PTPRM: variants seen among roughly 807,000 people sequenced by gnomAD.
PTPRM encodes the protein receptor-type tyrosine-protein phosphatase mu.
PTPRM carries 47 observed loss-of-function variants against 186.7 expected under a neutral mutation model. That is an observed-to-expected ratio of 0.25 (90% CI 0.20 to 0.32). PTPRM has a LOEUF of 0.32. Among genes scored for constraint, PTPRM ranks in the 10% least tolerant of loss-of-function variants. The probability of loss-of-function intolerance (pLI) is 1.00; values close to 1 mark genes in which losing one functional copy is unlikely to be tolerated. For missense variants in PTPRM, 1,494 were observed against 1,865.0 expected (o/e 0.80, Z 3.66); for synonymous variants, 668 against 674.9 (o/e 0.99, Z 0.16).
At chr18:7,573,626 G>T (rs2036615281) in intron 1 of PTPRM, among the ~76,000 whole-genome samples, 1 of 152,018 alleles carries the variant, frequency 6.6e-6, no homozygotes, top group Non-Finnish European at 1.5e-5. Flanking sequence ...TCTCGCTCTT[G>T]TCCCCCAGGC....
chr18:8,069,538 G>T, intron 7 of PTPRM, 148 bp from the exon 8 acceptor site: 1 of 729,044 alleles, frequency 1.4e-6, no homozygotes, highest in African/African-American at 1.8e-5. Context: ...GTAGCCAAAT[G>T]CCTAGCCAAG....
In PTPRM at chr18:8,016,530, C is replaced by CAA. The variant is rs563624187; in HGVS notation, c.1133-53141_1133-53140dup. 5.5e-3 allele frequency among the ~76,000 whole-genome samples: 385 copies of CAA among 70,152 alleles called. 2 individuals carry two copies. Among genetic ancestry groups the CAA allele is most frequent in the African/African-American group, 0.016 (314 of 19,742 alleles). The allele number at this position is 70,152 out of a possible 152,430, so 46.0% of individuals were successfully genotyped here. A position where few individuals can be genotyped will look rare whatever the true frequency, so the allele number is the denominator to read the frequency against. On this transcript the variant is annotated intron_variant, in intron 7 of 32. Transcript: ENST00000580170. ...CTTGGGTGACAGAGCAAGAGTCTGTCAAAAAAAAAAAAAAAAGAAAAAAAA... is the reference window on the plus strand; with the variant it reads ...CTTGGGTGACAGAGCAAGAGTCTGTCAAAAAAAAAAAAAAAAAAGAAAAAAAA...
chr18:8,190,162 T>G (rs138983241), intron 14 of PTPRM, among the ~76,000 whole-genome samples: 67 of 152,316 alleles, frequency 4.4e-4, no homozygotes, highest in Middle Eastern at 3.4e-3. Context: ...AATTTTCAAA[T>G]GTACAATGTA....
In PTPRM at chr18:8,297,282, G is replaced by A. The variant is rs547260957; in HGVS notation, c.2842+827G>A. 5.9e-5 allele frequency among the ~76,000 whole-genome samples: 9 copies of A among 152,292 alleles called. No individual in the cohort carries two copies. In the South Asian group the frequency reaches 1.0e-3, roughly 18 times the overall value. Reference sequence around the variant, plus strand: ...GCAGATTAGGCCAAGAGAACATCTCGCTCCTCGTGTCTCATTTCTTACGAG... The same window carrying A: ...GCAGATTAGGCCAAGAGAACATCTCACTCCTCGTGTCTCATTTCTTACGAG... On this transcript the variant is annotated intron_variant, in intron 20 of 32. Transcript: ENST00000580170.
intron 7 of PTPRM, among the ~76,000 whole-genome samples, chr18:8,040,976 G>T (rs898988770): frequency 6.6e-6 from 1 of 152,126 alleles, no homozygotes; most frequent in Non-Finnish European, 1.5e-5. Context: ...TGTCACTTGG[G>T]TTCAGTAAAG....
At chr18:8,310,349 T>C (rs1226326787) in intron 20 of PTPRM, among the ~76,000 whole-genome samples, 1 of 151,680 alleles carries the variant, frequency 6.6e-6, no homozygotes, top group African/African-American at 2.4e-5. Flanking sequence ...CGCCCCTGCC[T>C]GTGGCTTCCC....
intron 2 of PTPRM, among the ~76,000 whole-genome samples, chr18:7,852,894 T>C (rs2046934716): frequency 6.6e-6 from 1 of 152,038 alleles, no homozygotes; most frequent in African/African-American, 2.4e-5. Context: ...AAATAATACA[T>C]AGTTACATAG....
chr18:7,965,690 G>A (rs1568091686), intron 7 of PTPRM, among the ~76,000 whole-genome samples: 1 of 152,174 alleles, frequency 6.6e-6, no homozygotes, highest in East Asian at 1.9e-4. Flanking sequence ...GACTTACCAG[G>A]TATGTTATGT....
intron 2 of PTPRM, among the ~76,000 whole-genome samples, chr18:7,852,486 G>GACCATCCTGGCTAACACGGTGAAACCAC (rs2046909833): frequency 6.6e-6 from 1 of 152,018 alleles, no homozygotes; most frequent in Non-Finnish European, 1.5e-5. Flanking sequence ...AGAAGATCGA[G>GACCATCCTGGCTAACACGGTGAAACCAC]ACCATCCTGG....
At chr18:7,972,700 T>C (rs1334913376) in intron 7 of PTPRM, among the ~76,000 whole-genome samples, 1 of 152,102 alleles carries the variant, frequency 6.6e-6, no homozygotes, top group Non-Finnish European at 1.5e-5. Context: ...TTGTTAATGT[T>C]TATATCTTGT....
At chr18:8,056,348 G>T (rs1218812619) in intron 7 of PTPRM, among the ~76,000 whole-genome samples, 1 of 152,198 alleles carries the variant, frequency 6.6e-6, no homozygotes, top group African/African-American at 2.4e-5. Context: ...GCACATTAGG[G>T]CTGGTTGCAG....
At chr18:7,704,966 A>C (rs1160696542) in intron 1 of PTPRM, among the ~76,000 whole-genome samples, 1 of 152,152 alleles carries the variant, frequency 6.6e-6, no homozygotes, top group Non-Finnish European at 1.5e-5. Context: ...TTGAACCTGT[A>C]GTTTCACTAT....
chr18:7,849,877 G>A (rs944552502), intron 2 of PTPRM, among the ~76,000 whole-genome samples: 1 of 152,182 alleles, frequency 6.6e-6, no homozygotes, highest in African/African-American at 2.4e-5. Context: ...TGGTATGTAA[G>A]ATGCTACTTA....
At chr18:8,390,722 A>G (rs376221861) in intron 31 of PTPRM, among the ~76,000 whole-genome samples, 9 of 152,222 alleles carry the variant, frequency 5.9e-5, no homozygotes, top group East Asian at 3.9e-4. Context: ...AGATCAGGAG[A>G]TCGAGACCAT....
At chr18:8,297,597 A>G (rs995071831) in intron 20 of PTPRM, among the ~76,000 whole-genome samples, 1 of 152,246 alleles carries the variant, frequency 6.6e-6, no homozygotes, top group South Asian at 2.1e-4. Context: ...TTGCTGTTCA[A>G]GAGTTTGACA....
chr18:8,374,899 A>T (rs1342565984), intron 24 of PTPRM, among the ~76,000 whole-genome samples: 1 of 152,236 alleles, frequency 6.6e-6, no homozygotes, highest in African/African-American at 2.4e-5. Context: ...ACAATGATTG[A>T]TGGTGAAAGT....
At chr18:7,798,533 A>G (rs904887088) in intron 2 of PTPRM, among the ~76,000 whole-genome samples, 1 of 152,186 alleles carries the variant, frequency 6.6e-6, no homozygotes, top group African/African-American at 2.4e-5. Context: ...CGTCTCAAAA[A>G]AAAAAAAGGT....
chr18:7,700,101 A>G (rs2039929285), intron 1 of PTPRM, among the ~76,000 whole-genome samples: 1 of 152,266 alleles, frequency 6.6e-6, no homozygotes, highest in African/African-American at 2.4e-5. Flanking sequence ...GTGTTAGAAT[A>G]TGCAATCAGA....
intron 13 of PTPRM, among the ~76,000 whole-genome samples, chr18:8,115,845 A>T (rs2145740223): frequency 6.6e-6 from 1 of 152,342 alleles, no homozygotes; most frequent in Admixed American, 6.5e-5. Context: ...TTGTGAACTT[A>T]CATGACTCTT....
Sources: allele counts gnomAD v4.1 joint callset (sites outside exome capture counted in the v4.1 genomes callset), GRCh38; gene constraint gnomAD v4.1.1; transcripts MANE v1.5; gene names NCBI Gene and HGNC (gene_info 2026-07-23, HGNC 2026-07-21).